TFDP1: variants seen among roughly 807,000 people sequenced by gnomAD.
TFDP1 encodes the protein DRTF1-polypeptide 1.
In TFDP1, 6 loss-of-function variants were observed where a neutral mutation model predicts 48.0. The ratio of observed to expected loss-of-function variants is 0.13; its 90% CI spans 0.07 to 0.25. The LOEUF is 0.25. Among genes scored for constraint, TFDP1 ranks in the 10% least tolerant of loss-of-function variants. The pLI is 1.00. For synonymous variants in TFDP1, 201 were observed against 211.6 expected (o/e 0.95, Z 0.44); for missense variants, 335 against 543.0 (o/e 0.62, Z 3.81).
intron 3 of TFDP1, among the ~76,000 whole-genome samples, chr13:113,617,558 AACCCTTCACCT>A (rs1206165402): frequency 1.5e-5 from 2 of 135,012 alleles, no homozygotes; most frequent in African/African-American, 7.4e-5. Context: ...TCACCTGCAG[AACCCTTCACCT>A]GCAGAGCCGC....
chr13:113,636,838 G>GTT, intron 10 of TFDP1, 138 bp downstream of exon 10: 1 of 1,063,068 alleles, frequency 9.4e-7, no homozygotes, highest in East Asian at 2.6e-5. Flanking sequence ...AAAGACAAAG[G>GTT]GGCTGTGAGG....
rs371688284 is a variant in TFDP1, at chr13:113,634,056, A to C, written c.618+23A>C. On this transcript the variant is annotated intron_variant, in intron 7 of 11. Transcript: ENST00000375370. ...GAGGTGCCCCTTCAGCCTTCCTTCA[A>C]CCTTGATTTCCCTTCAAGTCCGTGT... 38 of 1,613,882 alleles carry C rather than the reference A, an allele frequency of 2.4e-5. No individual in the cohort carries two copies. The African/African-American group carries it at 4.7e-4, about 20-fold the overall frequency.
chr13:113,631,547 G>A (rs771951591), intron 4 of TFDP1, 76 bp from the exon 5 acceptor site: 81 of 1,527,078 alleles, frequency 5.3e-5, no homozygotes, highest in Admixed American at 1.2e-4. Flanking sequence ...GCTGCGGATA[G>A]CGAACAGATG....
Position 113,585,505 on chromosome 13 carries a change from G to A in TFDP1, c.-64-269G>A, listed in dbSNP as rs185542856. ...GCTCCTGGGGCTCGGCCCCACCCTCGGCCGCTGGGCGGGCCGTCGGGGACC... is the reference window on the plus strand; with the variant it reads ...GCTCCTGGGGCTCGGCCCCACCCTCAGCCGCTGGGCGGGCCGTCGGGGACC... On this transcript the variant is annotated intron_variant, in intron 1 of 11. Coordinates refer to ENST00000375370, the MANE Select transcript of TFDP1 (RefSeq NM_007111.5). 2.5e-3 allele frequency: 563 copies of A among 224,650 alleles called. 16 individuals carry two copies. The East Asian group carries it at 0.048, about 19-fold the overall frequency. 13.9% of individuals were successfully genotyped at this position (224,650 alleles called of 1,614,324 possible).
chr13:113,634,915 G>C (rs1594536073), intron 8 of TFDP1, among the ~76,000 whole-genome samples: 1 of 151,496 alleles, frequency 6.6e-6, no homozygotes, highest in East Asian at 1.9e-4. Context: ...CTGTGTGCGT[G>C]TGTGTGTGTG....
Position 113,641,421 on chromosome 13 carries a change from A to T in TFDP1, c.*1154A>T, listed in dbSNP as rs577632825. 9 of 152,370 alleles carry T rather than the reference A, an allele frequency of 5.9e-5. 1 individual carries two copies. The South Asian group carries it at 1.9e-3, about 32-fold the overall frequency. 9.4% of individuals were successfully genotyped at this position (152,370 alleles called of 1,614,324 possible). A position where few individuals can be genotyped will look rare whatever the true frequency, so the allele number is the denominator to read the frequency against. On this transcript the variant is annotated 3_prime_UTR_variant, in exon 12 of 12. Coordinates refer to ENST00000375370, the MANE Select transcript of TFDP1 (RefSeq NM_007111.5). ...GAGACTTTAATTGTTTGACTTGTTT[A>T]ACTTGGCACTGTTAGTTTTTATTAA...
Position 113,640,330 on chromosome 13 carries a change from A to T in TFDP1, c.*63A>T, listed in dbSNP as rs1478082714. 1.9e-6 allele frequency: 3 copies of T among 1,540,218 alleles called. No homozygotes were observed. In the African/African-American group the frequency reaches 4.2e-5, roughly 21 times the overall value. ...TTAGCGAAAAGAAACTTTTTTTTTA[A>T]TGTGGGTTTTCTGTTTCCTTTTGGC... On this transcript the variant is annotated 3_prime_UTR_variant, in exon 12 of 12. Coordinates refer to ENST00000375370, the MANE Select transcript of TFDP1 (RefSeq NM_007111.5).
At chr13:113,637,645 A>G (rs2049526911) in intron 10 of TFDP1, 173 bp from the exon 11 acceptor site, 7 of 1,538,166 alleles carry the variant, frequency 4.6e-6, no homozygotes, top group Non-Finnish European at 6.1e-6. Flanking sequence ...GTGACTGCAC[A>G]GCGGGATGTC....
intron 3 of TFDP1, among the ~76,000 whole-genome samples, chr13:113,618,266 A>T (rs2048911887): frequency 6.6e-6 from 1 of 152,232 alleles, no homozygotes. Context: ...TCACACCTGT[A>T]GTCCCAGCAC....
intron 10 of TFDP1, among the ~76,000 whole-genome samples, chr13:113,636,965 G>A (rs2049508709): frequency 6.6e-6 from 1 of 152,192 alleles, no homozygotes; most frequent in Admixed American, 6.5e-5. Context: ...TTTGTGTGAG[G>A]AGGTGCTAAG....
intron 11 of TFDP1, 45 bp downstream of exon 11, chr13:113,637,941 C>T (rs375423647): frequency 2.5e-6 from 4 of 1,599,476 alleles, no homozygotes; most frequent in African/African-American, 1.3e-5. Context: ...CTGGGCCTCC[C>T]CCGGGGTCCA....
At chr13:113,628,925 G>A (rs960368998) in intron 4 of TFDP1, among the ~76,000 whole-genome samples, 6 of 152,310 alleles carry the variant, frequency 3.9e-5, no homozygotes, top group Non-Finnish European at 7.4e-5. Context: ...ATGGGAGACT[G>A]GAAGGCGTCC....
At chr13:113,618,663 G>A (rs2048921201) in intron 3 of TFDP1, among the ~76,000 whole-genome samples, 1 of 152,242 alleles carries the variant, frequency 6.6e-6, no homozygotes, top group African/African-American at 2.4e-5. Context: ...CTCTGGGACA[G>A]CGGCCGCTGG....
At chr13:113,625,482 G>C (rs1435895254) in intron 4 of TFDP1, among the ~76,000 whole-genome samples, 1 of 93,174 alleles carries the variant, frequency 1.1e-5, no homozygotes, top group Non-Finnish European at 1.9e-5. Context: ...GTGTTTCTCA[G>C]GTGTCTCTCA....
intron 4 of TFDP1, among the ~76,000 whole-genome samples, chr13:113,626,059 A>ATGTCCTCAGGTGTCTCTCACG (rs2049168051): frequency 2.0e-5 from 1 of 48,864 alleles, no homozygotes; most frequent in African/African-American, 1.3e-4. Context: ...TGTCTCTCAC[A>ATGTCCTCAGGTGTCTCTCACG]TGTCCTCAGG....
intron 3 of TFDP1, among the ~76,000 whole-genome samples, chr13:113,620,397 A>G (rs1311146098): frequency 6.6e-6 from 1 of 152,236 alleles, no homozygotes; most frequent in Non-Finnish European, 1.5e-5. Flanking sequence ...GGAGAGTGAC[A>G]GTGCCACTGG....
chr13:113,627,965 C>T lies in TFDP1; in HGVS notation c.187-3658C>T, dbSNP rs1027545428. ...GCTCCTGGGGGAGGAGGGTTGGTCTCGGGCAAGGTGGACCTCCGGCAGGTC... is the reference window on the plus strand; with the variant it reads ...GCTCCTGGGGGAGGAGGGTTGGTCTTGGGCAAGGTGGACCTCCGGCAGGTC... On this transcript the variant is annotated intron_variant, in intron 4 of 11. Coordinates refer to ENST00000375370, the MANE Select transcript of TFDP1 (RefSeq NM_007111.5). The surrounding 1 kb of genome is among the most constrained non-coding windows in gnomAD (Gnocchi z 4.1). 1.3e-5 allele frequency among the ~76,000 whole-genome samples: 2 copies of T among 152,190 alleles called. No individual in the cohort carries two copies. The highest frequency in any genetic ancestry group is 1.9e-4 in the East Asian group (1 of 5,194).
intron 2 of TFDP1, among the ~76,000 whole-genome samples, chr13:113,589,646 G>A (rs182307963): frequency 6.6e-6 from 1 of 152,046 alleles, no homozygotes; most frequent in Non-Finnish European, 1.5e-5. Flanking sequence ...GTGGGCTCCC[G>A]TTGCAGGTAC....
At chr13:113,613,895 C>A (rs556632526) in intron 3 of TFDP1, among the ~76,000 whole-genome samples, 1 of 143,740 alleles carries the variant, frequency 7.0e-6, no homozygotes, top group East Asian at 2.1e-4. Context: ...GTGAGTGTAC[C>A]TGTGAGTTTG....
Sources: gnomAD v4.1 joint callset for allele counts (sites outside exome capture counted in the v4.1 genomes callset) on GRCh38, gnomAD v4.1.1 for gene constraint, Gnocchi (gnomAD v3.1) non-coding constraint, MANE v1.5 for transcripts, NCBI Gene and HGNC (gene_info 2026-07-23, HGNC 2026-07-21) for gene names.